SYCP1: variants seen among roughly 807,000 people sequenced by gnomAD.
The protein encoded by SYCP1 is cancer/testis antigen 8.
Under a neutral mutation model 153.1 loss-of-function variants are expected in SYCP1, and 64 were observed. The ratio of observed to expected loss-of-function variants is 0.42; its 90% confidence interval spans 0.34 to 0.51. The LOEUF (loss-of-function observed/expected upper bound fraction) is 0.51, where lower values mean the gene tolerates loss of function less well. Ranked by LOEUF, SYCP1 falls within the 20% of genes least tolerant of loss-of-function variation. The probability of loss-of-function intolerance (pLI) is 0.06; values close to 1 mark genes in which losing one functional copy is unlikely to be tolerated. For synonymous variants in SYCP1, 384 were observed against 341.8 expected (o/e 1.12, Z -1.36); for missense variants, 997 against 1,049.0 (o/e 0.95, Z 0.68).
At chr1:114,981,597 C>A in intron 29 of SYCP1, 85 bp downstream of exon 29, 1 of 1,150,900 alleles carries the variant, frequency 8.7e-7, no homozygotes, top group Non-Finnish European at 1.2e-6. Flanking sequence ...TGGCATCACG[C>A]ACACATATAT....
At chr1:114,914,091 A>G in intron 20 of SYCP1, 46 bp downstream of exon 20, 1 of 1,417,210 alleles carries the variant, frequency 7.1e-7, no homozygotes, top group Non-Finnish European at 9.6e-7. Context: ...AAAGATTTTG[A>G]TATTTCTTTT....
At chr1:114,980,851 G>GT (rs1673104876) in intron 28 of SYCP1, among the ~76,000 whole-genome samples, 1 of 151,820 alleles carries the variant, frequency 6.6e-6, no homozygotes, top group South Asian at 2.1e-4. Context: ...TGTCATGGGG[G>GT]TTTGTTGTAC....
intron 14 of SYCP1, among the ~76,000 whole-genome samples, chr1:114,886,654 G>A (rs1198136852): frequency 6.6e-6 from 1 of 152,192 alleles, no homozygotes; most frequent in South Asian, 2.1e-4. Context: ...CTTCCAGGCT[G>A]TCAGGTTTAT....
chr1:114,985,336 G>A (rs2101964165), intron 30 of SYCP1, among the ~76,000 whole-genome samples: 1 of 152,044 alleles, frequency 6.6e-6, no homozygotes, highest in East Asian at 1.9e-4. Context: ...TCACTCTAAA[G>A]AAGTTAATGT....
intron 15 of SYCP1, among the ~76,000 whole-genome samples, chr1:114,894,597 A>G (rs541949857): frequency 6.6e-6 from 1 of 152,268 alleles, no homozygotes; most frequent in South Asian, 2.1e-4. Context: ...ATTTTTTAGG[A>G]TGGCAAGAAA....
intron 12 of SYCP1, among the ~76,000 whole-genome samples, chr1:114,883,302 A>G (rs1357692196): frequency 6.6e-6 from 1 of 152,210 alleles, no homozygotes; most frequent in African/African-American, 2.4e-5. Context: ...TTTAGTTTAC[A>G]AAGTATGTGA....
At chr1:114,928,050 G>T (rs1324272476) in intron 23 of SYCP1, among the ~76,000 whole-genome samples, 1 of 152,030 alleles carries the variant, frequency 6.6e-6, no homozygotes, top group Non-Finnish European at 1.5e-5. Flanking sequence ...GGAACTCCTA[G>T]GCTCAAGTGA....
chr1:114,961,127 A>G lies in SYCP1; in HGVS notation c.2322+13807A>G, dbSNP rs188501101. Among the ~76,000 whole-genome samples, 375 of 152,114 alleles carry G rather than the reference A, an allele frequency of 2.5e-3. 1 individual carries two copies. The highest frequency in any genetic ancestry group is 8.5e-3 in the African/African-American group (351 of 41,498). On this transcript the variant is annotated intron_variant, in intron 27 of 31. Transcript: ENST00000369522. ...TTTATCCATCTCTTCTAGGTTTTCT[A>G]GTTTGTGCATGTTAAGGTGTTCATA...
intron 30 of SYCP1, 47 bp from the exon 31 acceptor site, chr1:114,994,651 A>G (rs1400530861): frequency 7.2e-7 from 1 of 1,383,078 alleles, no homozygotes; most frequent in Non-Finnish European, 9.7e-7. Context: ...ATAATATAAT[A>G]TTAATGATGG....
chr1:114,917,320 T>A (rs1668569675), intron 20 of SYCP1, among the ~76,000 whole-genome samples: 1 of 152,196 alleles, frequency 6.6e-6, no homozygotes, highest in Non-Finnish European at 1.5e-5. Flanking sequence ...AATGACAAGA[T>A]CTCATTCTTT....
chr1:114,922,711 C>T (rs1218165269), intron 20 of SYCP1, among the ~76,000 whole-genome samples: 1 of 151,980 alleles, frequency 6.6e-6, no homozygotes, highest in Non-Finnish European at 1.5e-5. Context: ...TTCCCCGCAC[C>T]CAAATCTCAT....
chr1:114,862,156 A>G (rs1235778926), intron 8 of SYCP1, among the ~76,000 whole-genome samples: 1 of 152,038 alleles, frequency 6.6e-6, no homozygotes, highest in African/African-American at 2.4e-5. Context: ...AACTCTATGT[A>G]TCTTCCAGAA....
At chr1:114,865,404 G>A (rs953550936) in intron 8 of SYCP1, among the ~76,000 whole-genome samples, 1 of 152,132 alleles carries the variant, frequency 6.6e-6, no homozygotes, top group African/African-American at 2.4e-5. Flanking sequence ...CCTAGAGAAT[G>A]TTTATTTGTT....
At chr1:114,984,654 T>G (rs1673380823) in intron 29 of SYCP1, 71 bp from the exon 30 acceptor site, 9 of 1,200,718 alleles carry the variant, frequency 7.5e-6, no homozygotes, top group Non-Finnish European at 8.6e-6. Flanking sequence ...TTAAAATTAT[T>G]TGTGAAACCC....
At chr1:114,901,231 A>G (rs769337123) in intron 16 of SYCP1, among the ~76,000 whole-genome samples, 1 of 152,134 alleles carries the variant, frequency 6.6e-6, no homozygotes. Flanking sequence ...TGGCAAGGCA[A>G]AATCGAGAAA....
At chr1:114,859,865 T>G in intron 7 of SYCP1, 55 bp downstream of exon 7, 1 of 536,930 alleles carries the variant, frequency 1.9e-6, no homozygotes. Flanking sequence ...CCAAATTTAC[T>G]ACTAAAATAA....
At chr1:114,946,407 A>G in intron 26 of SYCP1, 26 bp downstream of exon 26, 1 of 1,452,990 alleles carries the variant, frequency 6.9e-7, no homozygotes, top group Non-Finnish European at 9.4e-7. Context: ...AATTGCAGTA[A>G]CGGCCAGTTT....
intron 28 of SYCP1, among the ~76,000 whole-genome samples, chr1:114,980,015 G>A (rs1352968125): frequency 6.6e-6 from 1 of 151,720 alleles, no homozygotes; most frequent in African/African-American, 2.4e-5. Context: ...TTGTGTGTGT[G>A]TGCTCTAGAG....
chr1:114,954,626 G>C (rs1466119311), intron 27 of SYCP1, among the ~76,000 whole-genome samples: 2 of 150,256 alleles, frequency 1.3e-5, no homozygotes, highest in Non-Finnish European at 3.0e-5. Context: ...CTGTCACCAG[G>C]CTGGAGTGCA....
Sources: allele counts gnomAD v4.1 joint callset (sites outside exome capture counted in the v4.1 genomes callset), GRCh38; gene constraint gnomAD v4.1.1; transcripts MANE v1.5; gene names NCBI Gene and HGNC (gene_info 2026-07-23, HGNC 2026-07-21).